PTPRD: variants seen among roughly 807,000 people sequenced by gnomAD.
PTPRD encodes protein tyrosine phosphatase receptor type D.
PTPRD carries 34 observed loss-of-function variants against 214.5 expected under a neutral mutation model. The ratio of observed to expected loss-of-function variants is 0.16; its 90% CI spans 0.12 to 0.21. The LOEUF (loss-of-function observed/expected upper bound fraction) is 0.21, where lower values mean the gene tolerates loss of function less well. PTPRD is among the 10% of genes least tolerant of loss of function. The probability of loss-of-function intolerance (pLI) is 1.00; values close to 1 mark genes in which losing one functional copy is unlikely to be tolerated. For missense variants in PTPRD, 2,545 were observed against 2,398.7 expected, an observed-to-expected ratio of 1.06 and a Z score of -1.27; for synonymous variants, 1,128 against 845.7, an observed-to-expected ratio of 1.33 and a Z score of -5.79.
chr9:9,340,073 T>C (rs976899147), intron 9 of PTPRD, among the ~76,000 whole-genome samples: 1 of 152,024 alleles, frequency 6.6e-6, no homozygotes, highest in African/African-American at 2.4e-5. Flanking sequence ...GATAGATAAA[T>C]GGCACTCTAG....
At chr9:9,865,258 T>C (rs563679464) in intron 5 of PTPRD, among the ~76,000 whole-genome samples, 2 of 152,320 alleles carry the variant, frequency 1.3e-5, no homozygotes, top group African/African-American at 4.8e-5. Flanking sequence ...CTTCCAAAAG[T>C]CACGTTGAAA....
At chr9:9,240,881 G>C (rs1177285418) in intron 9 of PTPRD, among the ~76,000 whole-genome samples, 1 of 152,028 alleles carries the variant, frequency 6.6e-6, no homozygotes, top group Non-Finnish European at 1.5e-5. Context: ...CATCCAAATA[G>C]TTATTGTTTT....
At chr9:8,490,149 G>A (rs1028018753) in intron 27 of PTPRD, among the ~76,000 whole-genome samples, 3 of 152,154 alleles carry the variant, frequency 2.0e-5, no homozygotes, top group African/African-American at 7.2e-5. Flanking sequence ...TTACTCAGGG[G>A]AGTTGGAAGG....
chr9:8,685,738 A>G (rs2097666874), intron 12 of PTPRD, among the ~76,000 whole-genome samples: 1 of 152,238 alleles, frequency 6.6e-6, no homozygotes, highest in African/African-American at 2.4e-5. Context: ...CAGAAGAGGT[A>G]CAGGCCGATA....
At chr9:8,679,965 C>T (rs935353274) in intron 12 of PTPRD, among the ~76,000 whole-genome samples, 1 of 152,068 alleles carries the variant, frequency 6.6e-6, no homozygotes, top group African/African-American at 2.4e-5. Flanking sequence ...GATCAATTGG[C>T]CAGAAAGCAA....
At chr9:9,078,331 TTA>T (rs1475453969) in intron 10 of PTPRD, among the ~76,000 whole-genome samples, 1 of 152,110 alleles carries the variant, frequency 6.6e-6, no homozygotes, top group Non-Finnish European at 1.5e-5. Context: ...CCATCCTTAA[TTA>T]TATCATAGTT....
intron 9 of PTPRD, among the ~76,000 whole-genome samples, chr9:9,185,910 C>A (rs1457653176): frequency 6.6e-6 from 1 of 151,348 alleles, no homozygotes; most frequent in Non-Finnish European, 1.5e-5. Context: ...ACACAAGTGC[C>A]TTTCTTTTCA....
intron 10 of PTPRD, among the ~76,000 whole-genome samples, chr9:9,142,207 C>T (rs930737715): frequency 2.0e-5 from 3 of 152,160 alleles, no homozygotes; most frequent in Admixed American, 2.0e-4. Context: ...CATAGAAGCC[C>T]TAGAAGAGCA....
intron 8 of PTPRD, among the ~76,000 whole-genome samples, chr9:9,427,571 G>A (rs1284416677): frequency 1.3e-5 from 2 of 152,100 alleles, no homozygotes; most frequent in East Asian, 3.9e-4. Flanking sequence ...ATGCCACAAA[G>A]ATACTCTTCA....
At chr9:10,152,940 G>C (rs1402270705) in intron 3 of PTPRD, among the ~76,000 whole-genome samples, 1 of 152,044 alleles carries the variant, frequency 6.6e-6, no homozygotes, top group African/African-American at 2.4e-5. Flanking sequence ...TACTACATGA[G>C]CTCACATATC....
intron 11 of PTPRD, among the ~76,000 whole-genome samples, chr9:8,744,111 T>A (rs546826379): frequency 6.6e-6 from 1 of 152,130 alleles, no homozygotes; most frequent in African/African-American, 2.4e-5. Flanking sequence ...ACCTCGGTCC[T>A]GCAACAATGG....
intron 3 of PTPRD, among the ~76,000 whole-genome samples, chr9:10,133,011 T>C (rs1001877047): frequency 5.3e-5 from 8 of 152,170 alleles, no homozygotes; most frequent in Non-Finnish European, 1.0e-4. Flanking sequence ...CTCTCGTTAC[T>C]TGTTCTAGAG....
intron 6 of PTPRD, among the ~76,000 whole-genome samples, chr9:9,739,832 T>C (rs975865223): frequency 1.3e-5 from 2 of 152,096 alleles, no homozygotes. Flanking sequence ...TATATATATA[T>C]ATGTGTGTAA....
intron 6 of PTPRD, among the ~76,000 whole-genome samples, chr9:9,759,411 G>C (rs1047327984): frequency 6.6e-6 from 1 of 152,096 alleles, no homozygotes; most frequent in African/African-American, 2.4e-5. Flanking sequence ...TACAGCTGAG[G>C]AGCCTCCCAG....
At chr9:9,099,973 G>T (rs1033212122) in intron 10 of PTPRD, among the ~76,000 whole-genome samples, 23 of 152,114 alleles carry the variant, frequency 1.5e-4, no homozygotes, top group African/African-American at 5.3e-4. Flanking sequence ...ACGTTAATAT[G>T]CAATGGTCTT....
At chr9:9,519,950 G>C (rs2096926267) in intron 8 of PTPRD, among the ~76,000 whole-genome samples, 1 of 152,006 alleles carries the variant, frequency 6.6e-6, no homozygotes, top group Non-Finnish European at 1.5e-5. Flanking sequence ...TGTGGTATTG[G>C]TGCAATGATA....
At chr9:8,535,882 C>G (rs1487804153) in intron 14 of PTPRD, among the ~76,000 whole-genome samples, 1 of 151,834 alleles carries the variant, frequency 6.6e-6, no homozygotes, top group Non-Finnish European at 1.5e-5. Flanking sequence ...TGAGATTTGT[C>G]TAATATGATG....
chr9:8,765,688 G>C (rs986601431), intron 11 of PTPRD, among the ~76,000 whole-genome samples: 5 of 152,166 alleles, frequency 3.3e-5, no homozygotes, highest in African/African-American at 1.2e-4. Context: ...GAAGCTGTGA[G>C]ATAATAAATG....
chr9:8,333,951 T>C (rs1844064284), intron 43 of PTPRD, among the ~76,000 whole-genome samples: 1 of 151,778 alleles, frequency 6.6e-6, no homozygotes, highest in African/African-American at 2.4e-5. Flanking sequence ...CATTACATAA[T>C]GGCAAAGGGA....
Sources: gnomAD v4.1 joint callset for allele counts (sites outside exome capture counted in the v4.1 genomes callset) on GRCh38, gnomAD v4.1.1 for gene constraint, MANE v1.5 for transcripts, NCBI Gene and HGNC (gene_info 2026-07-23, HGNC 2026-07-21) for gene names.